DOCK4: variants seen among roughly 807,000 people sequenced by gnomAD.
DOCK4 encodes dedicator of cytokinesis 4.
DOCK4 carries 97 observed loss-of-function variants against 268.1 expected under a neutral mutation model. The observed-to-expected ratio is 0.36, with a 90% CI of 0.31 to 0.43. The LOEUF (loss-of-function observed/expected upper bound fraction) is 0.43. Ranked by LOEUF, DOCK4 falls within the 20% of genes least tolerant of loss-of-function variation. DOCK4 has a pLI of 1.00. For missense variants in DOCK4, 2,145 were observed against 2,455.7 expected (o/e 0.87, Z 2.67); for synonymous variants, 954 against 887.2 (o/e 1.08, Z -1.34).
At chr7:111,748,840 CAA>C (rs1367230688) in intron 42 of DOCK4, among the ~76,000 whole-genome samples, 1 of 151,912 alleles carries the variant, frequency 6.6e-6, no homozygotes, top group African/African-American at 2.4e-5. Flanking sequence ...TGTCCATTGA[CAA>C]GAGAATAAAC....
intron 1 of DOCK4, among the ~76,000 whole-genome samples, chr7:112,028,811 G>C (rs1457118392): frequency 3.9e-5 from 6 of 152,156 alleles, no homozygotes; most frequent in Admixed American, 3.9e-4. Flanking sequence ...GGTTCCCTTT[G>C]TCCATTTCTC....
intron 1 of DOCK4, among the ~76,000 whole-genome samples, chr7:112,142,336 G>T (rs371732447): frequency 6.6e-6 from 1 of 152,100 alleles, no homozygotes; most frequent in African/African-American, 2.4e-5. Flanking sequence ...ACTATTGTAT[G>T]TTAGGCTTGT....
chr7:111,944,284 C>T (rs1798835487), intron 10 of DOCK4, among the ~76,000 whole-genome samples: 1 of 151,998 alleles, frequency 6.6e-6, no homozygotes, highest in Non-Finnish European at 1.5e-5. Flanking sequence ...TTTATTTTTC[C>T]CTTTAGGACT....
chr7:111,794,331 G>A (rs1294256147), intron 30 of DOCK4, among the ~76,000 whole-genome samples: 1 of 152,176 alleles, frequency 6.6e-6, no homozygotes, highest in African/African-American at 2.4e-5. Context: ...GCCTGGTCTG[G>A]GGCTCGAGAC....
intron 8 of DOCK4, among the ~76,000 whole-genome samples, chr7:111,957,689 A>G (rs983427054): frequency 8.5e-5 from 13 of 152,300 alleles, no homozygotes; most frequent in Admixed American, 2.6e-4. Context: ...GTTTTATTCA[A>G]TGATGTGTTC....
intron 1 of DOCK4, among the ~76,000 whole-genome samples, chr7:112,145,872 T>C (rs1262734233): frequency 6.6e-6 from 1 of 152,136 alleles, no homozygotes; most frequent in African/African-American, 2.4e-5. Context: ...TGAGAGCAAG[T>C]ATGTAAAAAT....
intron 1 of DOCK4, among the ~76,000 whole-genome samples, chr7:112,111,845 C>T (rs554934020): frequency 8.5e-5 from 13 of 152,296 alleles, no homozygotes; most frequent in Admixed American, 5.9e-4. Flanking sequence ...TACATAAAAT[C>T]CACATGGGCC....
chr7:111,906,958 G>A (rs1791632171), intron 13 of DOCK4, among the ~76,000 whole-genome samples: 1 of 152,156 alleles, frequency 6.6e-6, no homozygotes, highest in Non-Finnish European at 1.5e-5. Flanking sequence ...TATGTTGTTT[G>A]AAGCCACCTT....
chr7:112,040,289 T>C (rs192468852), intron 1 of DOCK4, among the ~76,000 whole-genome samples: 85 of 152,334 alleles, frequency 5.6e-4, no homozygotes, highest in African/African-American at 2.0e-3. Flanking sequence ...ACAGGGGAAA[T>C]TCTACCACAT....
chr7:111,908,148 A>G (rs1051186066), intron 13 of DOCK4, among the ~76,000 whole-genome samples: 2 of 152,142 alleles, frequency 1.3e-5, no homozygotes, highest in East Asian at 3.9e-4. Flanking sequence ...ATCAGTACAT[A>G]GTAAGGAATA....
chr7:112,184,743 T>C (rs1563166668), intron 1 of DOCK4, among the ~76,000 whole-genome samples: 1 of 151,964 alleles, frequency 6.6e-6, no homozygotes, highest in Non-Finnish European at 1.5e-5. Flanking sequence ...GAAGCCTTTC[T>C]GCTCTTTCAT....
intron 42 of DOCK4, among the ~76,000 whole-genome samples, chr7:111,751,628 A>G (rs938811605): frequency 2.0e-5 from 3 of 152,136 alleles, no homozygotes; most frequent in Non-Finnish European, 4.4e-5. Context: ...TATTTTTTGT[A>G]GCGACAGGGT....
At chr7:112,060,021 G>A (rs1308155341) in intron 1 of DOCK4, among the ~76,000 whole-genome samples, 2 of 152,186 alleles carry the variant, frequency 1.3e-5, no homozygotes, top group African/African-American at 4.8e-5. Flanking sequence ...CAGCTAGAAG[G>A]ATCATGATAT....
chr7:111,990,709 C>T (rs1799451998), intron 5 of DOCK4, among the ~76,000 whole-genome samples: 1 of 152,194 alleles, frequency 6.6e-6, no homozygotes, highest in South Asian at 2.1e-4. Flanking sequence ...TCTATTGCTT[C>T]TCACTCTTAA....
At chr7:111,846,556 C>T (rs1804122965) in intron 24 of DOCK4, among the ~76,000 whole-genome samples, 1 of 152,210 alleles carries the variant, frequency 6.6e-6, no homozygotes, top group Admixed American at 6.5e-5. Context: ...CCCTAATCTC[C>T]TGGGGCTGTC....
intron 42 of DOCK4, among the ~76,000 whole-genome samples, chr7:111,751,892 T>C (rs1796681744): frequency 6.6e-6 from 1 of 152,190 alleles, no homozygotes; most frequent in Non-Finnish European, 1.5e-5. Flanking sequence ...AGGAGGTTGC[T>C]AGGACTGCAG....
chr7:112,050,162 G>A (rs1805216247), intron 1 of DOCK4, among the ~76,000 whole-genome samples: 2 of 152,102 alleles, frequency 1.3e-5, no homozygotes, highest in Non-Finnish European at 2.9e-5. Context: ...GAGACATTCA[G>A]CAGCACAAAT....
chr7:111,764,909 A>C (rs1797674381), intron 39 of DOCK4, among the ~76,000 whole-genome samples: 1 of 151,756 alleles, frequency 6.6e-6, no homozygotes, highest in Non-Finnish European at 1.5e-5. Context: ...CTCACAAAAT[A>C]TACCAAATTT....
At position 112,125,238 on chromosome 7, in the gene DOCK4, C is replaced by G. The variant is rs561631445; in HGVS notation, c.37+80864G>C. Among the ~76,000 whole-genome samples the G allele has an allele frequency of 1.5e-4, 23 of 151,774 alleles. No individual in the cohort carries two copies. In the South Asian group the frequency reaches 4.8e-3, roughly 31 times the overall value. On this transcript the variant is annotated intron_variant, in intron 1 of 52. Transcript: ENST00000428084. ...TCATATGTTTTCAGAGACAATGCTC[C>G]CCCCCTGCCCCATCAGGATGATCCC...
Sources: allele counts gnomAD v4.1 joint callset (sites outside exome capture counted in the v4.1 genomes callset), GRCh38; gene constraint gnomAD v4.1.1; transcripts MANE v1.5; gene names NCBI Gene and HGNC (gene_info 2026-07-23, HGNC 2026-07-21).